The following SENP7 variants were observed in gnomAD, a reference collection of about 807,000 sequenced individuals.
SENP7 encodes the protein SUMO specific peptidase 7.
Under a neutral mutation model 141.2 loss-of-function variants are expected in SENP7, and 64 were observed. The ratio of observed to expected loss-of-function variants is 0.45; its 90% CI spans 0.37 to 0.56. The LOEUF is 0.56. Ranked by LOEUF, SENP7 falls within the 20% of genes least tolerant of loss-of-function variation. The probability of loss-of-function intolerance (pLI) is 0.00; values close to 1 mark genes in which losing one functional copy is unlikely to be tolerated. For missense variants in SENP7, 1,025 were observed against 1,212.2 expected, an observed-to-expected ratio of 0.85 and a Z score of 2.29; for synonymous variants, 382 against 426.4, an observed-to-expected ratio of 0.90 and a Z score of 1.28.
chr3:101,449,812 T>A (rs953853271), intron 4 of SENP7, among the ~76,000 whole-genome samples: 3 of 152,120 alleles, frequency 2.0e-5, no homozygotes, highest in African/African-American at 7.2e-5. Flanking sequence ...CTGCAACTAA[T>A]GAGCAAAATA....
At position 101,325,905 on chromosome 3, in the gene SENP7, A is replaced by G; in HGVS notation, c.*38T>C. On this transcript the variant is annotated 3_prime_UTR_variant, in exon 24 of 24. Coordinates refer to ENST00000394095, the MANE Select transcript of SENP7 (RefSeq NM_020654.5). ...AATGCTGGTAAGAGGCTTTCCAGTA[A>G]TCTTAGAGAACATCTGTGTCATGTT... 1 of 1,524,598 alleles carries G rather than the reference A, an allele frequency of 6.6e-7. No homozygotes were observed. The highest frequency in any genetic ancestry group is 8.8e-7 in the Non-Finnish European group (1 of 1,136,788). 94.4% of individuals were successfully genotyped at this position (1,524,598 alleles called of 1,614,324 possible). A position where few individuals can be genotyped will look rare whatever the true frequency, so the allele number is the denominator to read the frequency against.
chr3:101,413,460 C>T (rs2061510097), intron 5 of SENP7, among the ~76,000 whole-genome samples: 1 of 152,128 alleles, frequency 6.6e-6, no homozygotes, highest in South Asian at 2.1e-4. Context: ...AGAGATGTAA[C>T]TCTGGTGAGA....
chr3:101,414,821 A>G (rs1410890455), intron 5 of SENP7, among the ~76,000 whole-genome samples: 1 of 152,154 alleles, frequency 6.6e-6, no homozygotes, highest in African/African-American at 2.4e-5. Flanking sequence ...TGAAATGGAA[A>G]AAAGTGGTGT....
intron 6 of SENP7, among the ~76,000 whole-genome samples, chr3:101,394,411 G>GT (rs1175890804): frequency 1.3e-5 from 2 of 152,138 alleles, no homozygotes; most frequent in Admixed American, 1.3e-4. Context: ...AACATGGTAG[G>GT]TGCATGTATC....
In SENP7 at chr3:101,436,388, C is replaced by A. The variant is rs139093315; in HGVS notation, c.285-18598G>T. On this transcript the variant is annotated intron_variant, in intron 4 of 23. Transcript: ENST00000394095. ...CTAATATTTCTTCAGCAATACCCCA[C>A]AAGCACAGACAACCAAAGCAAAAAT... Among the ~76,000 whole-genome samples, 266 of 152,252 alleles carry A rather than the reference C, an allele frequency of 1.7e-3. 1 individual carries two copies. The highest frequency in any genetic ancestry group is 6.0e-3 in the African/African-American group (250 of 41,570).
At position 101,331,996 on chromosome 3, in the gene SENP7, T is replaced by C. The variant is rs751080719; in HGVS notation, c.2687A>G (p.Asn896Ser). 2.5e-6 allele frequency: 4 copies of C among 1,613,484 alleles called. No individual in the cohort carries two copies. The South Asian group carries it at 4.4e-5, about 18-fold the overall frequency. The change falls in exon 19 of 24, where the codon AAC (asparagine) becomes AGC (serine). Residue 896 changes from asparagine (N) to serine (S), a missense_variant. Asn to Ser is a conservative substitution (Grantham distance 46). Around this residue, in one of 4 missense-constraint regions of SENP7, gnomAD observed 295 missense variants for 459.1 expected, o/e 0.64. Transcript: ENST00000394095. ...QSQAQQSQNDNKTIDNDLRTT... is the reference protein window; with the variant it reads ...QSQAQQSQNDSKTIDNDLRTT... ...GTTATGGATGTCACCTATTGTTTTG[T>C]TGTCATTTTGGGACTGCTGAGCCTG...
intron 22 of SENP7, among the ~76,000 whole-genome samples, chr3:101,328,175 GTTC>G (rs1244113257): frequency 2.0e-5 from 3 of 152,002 alleles, no homozygotes; most frequent in African/African-American, 7.2e-5. Flanking sequence ...ATGTGAAAGA[GTTC>G]TTATTTTTTT....
At position 101,325,065 on chromosome 3, in the gene SENP7, C is replaced by T; in HGVS notation, c.*878G>A. On this transcript the variant is annotated 3_prime_UTR_variant, in exon 24 of 24. Transcript: ENST00000394095. The stretch of plus-strand genomic sequence containing the variant: ...TAATTCTACCCATTAATAAATAGGA[C>T]TGAGGGTTTTCTTTGTTAAAGTTAT... 1 of 151,890 alleles carries T rather than the reference C, an allele frequency of 6.6e-6. No homozygotes were observed. Among genetic ancestry groups the T allele is most frequent in the East Asian group, 1.9e-4 (1 of 5,190 alleles). 9.4% of individuals were successfully genotyped at this position (151,890 alleles called of 1,614,324 possible).
intron 5 of SENP7, among the ~76,000 whole-genome samples, chr3:101,409,797 A>G (rs2061403203): frequency 6.6e-6 from 1 of 152,232 alleles, no homozygotes; most frequent in Non-Finnish European, 1.5e-5. Context: ...AAGATGGATT[A>G]AGGACTTAAA....
At chr3:101,429,583 T>C (rs1306256500) in intron 4 of SENP7, among the ~76,000 whole-genome samples, 1 of 152,194 alleles carries the variant, frequency 6.6e-6, no homozygotes, top group East Asian at 1.9e-4. Context: ...CTTAAGGAGA[T>C]TTTGGGCTGA....
intron 6 of SENP7, among the ~76,000 whole-genome samples, chr3:101,377,613 T>C (rs67541414): frequency 0.4 from 60,381 of 151,978 alleles, 12,516 homozygotes; most frequent in Admixed American, 0.54. Flanking sequence ...TATCAGAGCA[T>C]TCTGTTCTTA....
intron 6 of SENP7, among the ~76,000 whole-genome samples, chr3:101,380,211 T>A (rs2060457197): frequency 6.6e-6 from 1 of 152,094 alleles, no homozygotes. Context: ...ATACAGAGTT[T>A]CAGTTTGGTA....
At chr3:101,383,363 G>C (rs1208079482) in intron 6 of SENP7, among the ~76,000 whole-genome samples, 3 of 152,196 alleles carry the variant, frequency 2.0e-5, no homozygotes, top group African/African-American at 7.2e-5. Flanking sequence ...GCACAGCCGG[G>C]ACTGCAAATT....
chr3:101,485,067 G>GA lies in SENP7; in HGVS notation c.186+8805dup, dbSNP rs567211216. Among the ~76,000 whole-genome samples, 165 of 151,978 alleles carry GA rather than the reference G, an allele frequency of 1.1e-3. 1 individual carries two copies. The highest frequency in any genetic ancestry group is 3.8e-3 in the African/African-American group (156 of 41,440). On this transcript the variant is annotated intron_variant, in intron 3 of 23. Transcript: ENST00000394095. The stretch of plus-strand genomic sequence containing the variant: ...TAGGTACCCAACTCCAATGACCTGG[G>GA]AATCTCACCCACACCCCCCACAGCA...
rs1441529167 is a variant in SENP7 at position 101,328,657 on chromosome 3, T to C, written c.2784A>G (p.Lys928=). Residue 928 remains lysine (K), a synonymous_variant, in exon 21 of 24, where the codon AAA becomes AAG. Transcript: ENST00000394095. ...STESNMSVPK[K]MCKRPCILIL... is the part of the protein sequence containing the mutation. ...CAGCATGTACCTACCTTTTACACAT[T>C]TTCTTTGGTACTGACATATTCGACT... The C allele has an allele frequency of 6.2e-7, 1 of 1,609,148 alleles. No individual in the cohort carries two copies. The highest frequency in any genetic ancestry group is 8.5e-7 in the Non-Finnish European group (1 of 1,177,326).
chr3:101,430,961 G>GT (rs1306810545), intron 4 of SENP7, among the ~76,000 whole-genome samples: 1 of 152,166 alleles, frequency 6.6e-6, no homozygotes, highest in Non-Finnish European at 1.5e-5. Context: ...TCAGGAGCAG[G>GT]TTGCTCAGTT....
At chr3:101,493,728 C>A in intron 3 of SENP7, 145 bp downstream of exon 3, 2 of 485,308 alleles carry the variant, frequency 4.1e-6, no homozygotes, top group South Asian at 3.9e-5. Context: ...TTCAACATGC[C>A]AAAAATGAAC....
At chr3:101,466,430 C>G (rs1273607490) in intron 3 of SENP7, among the ~76,000 whole-genome samples, 1 of 152,080 alleles carries the variant, frequency 6.6e-6, no homozygotes. Context: ...TCAGCAGAAA[C>G]CTTACAGGCA....
At chr3:101,496,108 AAC>A (rs2065148950) in intron 2 of SENP7, among the ~76,000 whole-genome samples, 1 of 152,198 alleles carries the variant, frequency 6.6e-6, no homozygotes, top group Non-Finnish European at 1.5e-5. Flanking sequence ...GTTTCTTATA[AAC>A]AGACAAATAA....
Sources: allele counts gnomAD v4.1 joint callset (sites outside exome capture counted in the v4.1 genomes callset), GRCh38; gene constraint gnomAD v4.1.1; regional missense constraint gnomAD v4.1.1; transcripts MANE v1.5; gene names NCBI Gene and HGNC (gene_info 2026-07-23, HGNC 2026-07-21).